UGGT1: variants seen among roughly 807,000 people sequenced by gnomAD.
UGGT1 encodes the protein UDP-glucose:glycoprotein glucosyltransferase 1.
Under a neutral mutation model 203.9 loss-of-function variants are expected in UGGT1, and 107 were observed. That is an observed-to-expected ratio of 0.52 (90% CI 0.45 to 0.62). The LOEUF (loss-of-function observed/expected upper bound fraction) is 0.62. Ranked by LOEUF, UGGT1 falls within the 20% of genes least tolerant of loss-of-function variation. UGGT1 has a pLI of 0.00. For synonymous variants in UGGT1, 628 were observed against 653.5 expected (o/e 0.96, Z 0.59); for missense variants, 1,673 against 1,867.2 (o/e 0.90, Z 1.92).
intron 40 of UGGT1, 39 bp downstream of exon 40, chr2:128,187,653 C>A: frequency 6.5e-7 from 1 of 1,547,992 alleles, no homozygotes; most frequent in Non-Finnish European, 8.8e-7. Context: ...GTACTTCTTT[C>A]CATTTCTGAT....
chr2:128,149,443 G>A (rs1196264606), intron 18 of UGGT1, among the ~76,000 whole-genome samples: 1 of 150,468 alleles, frequency 6.6e-6, no homozygotes, highest in Non-Finnish European at 1.5e-5. Context: ...AGGAGATTGA[G>A]ACCATCCTGG....
chr2:128,095,293 G>A (rs910779134), intron 1 of UGGT1, among the ~76,000 whole-genome samples: 20 of 152,190 alleles, frequency 1.3e-4, no homozygotes, highest in Middle Eastern at 3.4e-3. Context: ...TTTTACAAAC[G>A]TTGATTTTGA....
At chr2:128,156,366 A>G (rs774519916) in intron 20 of UGGT1, 26 bp from the exon 21 acceptor site, 2 of 1,565,648 alleles carry the variant, frequency 1.3e-6, no homozygotes, top group Non-Finnish European at 8.8e-7. Flanking sequence ...CTTTTTTTCT[A>G]CTCTTTTCTC....
At chr2:128,154,263 T>G (rs532294279) in intron 19 of UGGT1, among the ~76,000 whole-genome samples, 1 of 152,316 alleles carries the variant, frequency 6.6e-6, no homozygotes, top group South Asian at 2.1e-4. Context: ...GTTTATTGTT[T>G]TCATCATTTT....
chr2:128,170,448 G>A (rs776252941), intron 27 of UGGT1, 58 bp downstream of exon 27: 137 of 1,462,480 alleles, frequency 9.4e-5, no homozygotes, highest in Non-Finnish European at 1.1e-4. Flanking sequence ...CACATGCTCT[G>A]AAATTCACTG....
intron 16 of UGGT1, 71 bp from the exon 17 acceptor site, chr2:128,143,023 A>G: frequency 1.4e-6 from 2 of 1,429,974 alleles, no homozygotes; most frequent in Non-Finnish European, 1.9e-6. Flanking sequence ...TAAATTCAGA[A>G]AAATGTGGAA....
chr2:128,104,372 A>T (rs541024584), intron 3 of UGGT1, among the ~76,000 whole-genome samples: 1 of 152,328 alleles, frequency 6.6e-6, no homozygotes, highest in South Asian at 2.1e-4. Context: ...TACACAACTG[A>T]GCTATTATCT....
At position 128,194,757 on chromosome 2, in the gene UGGT1, CTGAT is replaced by C. The variant is rs1467934355; in HGVS notation, c.*5019_*5022del. On this transcript the variant is annotated 3_prime_UTR_variant, in exon 41 of 41. Coordinates refer to ENST00000259253, the MANE Select transcript of UGGT1 (RefSeq NM_020120.4). ...TCTTAATCAGTATTTTGGTAATTAA[CTGAT>C]TGAATTCAAGCAAATGAGACATCAT... 1 of 152,048 alleles carries C rather than the reference CTGAT, an allele frequency of 6.6e-6. No individual in the cohort carries two copies. The highest frequency in any genetic ancestry group is 1.5e-5 in the Non-Finnish European group (1 of 68,010). The allele number at this position is 152,048 out of a possible 1,614,324, so 9.4% of individuals were successfully genotyped here.
At chr2:128,156,334 G>A in intron 20 of UGGT1, 58 bp from the exon 21 acceptor site, 2 of 1,296,328 alleles carry the variant, frequency 1.5e-6, no homozygotes, top group East Asian at 2.3e-5. Flanking sequence ...TTTTACAGTA[G>A]GCATTCATTC....
intron 25 of UGGT1, among the ~76,000 whole-genome samples, chr2:128,162,908 A>G (rs1690596964): frequency 6.6e-6 from 1 of 152,190 alleles, no homozygotes; most frequent in Non-Finnish European, 1.5e-5. Flanking sequence ...CAAAAGACTA[A>G]TGCTAAAACT....
intron 17 of UGGT1, 33 bp downstream of exon 17, chr2:128,143,258 G>A (rs1558789546): frequency 6.2e-7 from 1 of 1,609,606 alleles, no homozygotes; most frequent in Non-Finnish European, 8.5e-7. Flanking sequence ...TTATTTGATT[G>A]CAACATTGTA....
chr2:128,173,706 T>A, intron 29 of UGGT1, 75 bp from the exon 30 acceptor site: 1 of 1,521,630 alleles, frequency 6.6e-7, no homozygotes, highest in Non-Finnish European at 9.0e-7. Context: ...CTGCTTCCTT[T>A]ACTTTGCATA....
chr2:128,164,759 C>G lies in UGGT1; in HGVS notation c.2855C>G (p.Ala952Gly), dbSNP rs762902507. 2.5e-6 allele frequency: 4 copies of G among 1,613,666 alleles called. No homozygotes were observed. Among genetic ancestry groups the G allele is most frequent in the Non-Finnish European group, 3.4e-6 (4 of 1,179,792 alleles). Residue 952 changes from alanine (A) to glycine (G), a missense_variant, in exon 26 of 41, where the codon GCT (alanine) becomes GGT (glycine). Ala to Gly is a moderately conservative substitution (Grantham distance 60, BLOSUM62 0). Around this residue, in one of 4 missense-constraint regions of UGGT1, gnomAD observed 1,073 missense variants for 1,078.7 expected, o/e 0.99. Coordinates refer to ENST00000259253, the MANE Select transcript of UGGT1 (RefSeq NM_020120.4). The stretch of plus-strand genomic sequence containing the variant: ...AGCGACTTGGTAATGAAGGTGGATG[C>G]TCTTCTGTCAGCGCAACCAAAAGGA... The part of the protein sequence containing the change: ...VASDLVMKVD[A>G]LLSAQPKGDP...
intron 16 of UGGT1, among the ~76,000 whole-genome samples, chr2:128,142,844 G>A (rs1017834396): frequency 3.3e-5 from 5 of 151,976 alleles, no homozygotes; most frequent in East Asian, 3.9e-4. Context: ...TTAGCTGGGC[G>A]TGGTGGCAGG....
chr2:128,186,475 C>T lies in UGGT1; in HGVS notation c.4360-208C>T, dbSNP rs552960481. Among the ~76,000 whole-genome samples, 11 of 152,008 alleles carry T rather than the reference C, an allele frequency of 7.2e-5. No individual in the cohort carries two copies. In the South Asian group the frequency reaches 1.2e-3, roughly 17 times the overall value. On this transcript the variant is annotated intron_variant, in intron 38 of 40. Coordinates refer to ENST00000259253, the MANE Select transcript of UGGT1 (RefSeq NM_020120.4). ...TACAAAAATTGGCCAGGCATGGTGGCGGGCCCCTGTAGTCCCAGCTACTCA... is the reference window on the plus strand; with the variant it reads ...TACAAAAATTGGCCAGGCATGGTGGTGGGCCCCTGTAGTCCCAGCTACTCA...
intron 19 of UGGT1, among the ~76,000 whole-genome samples, chr2:128,154,053 GTA>G (rs201738508): frequency 4.4e-4 from 52 of 117,658 alleles, no homozygotes; most frequent in Admixed American, 7.8e-4. Flanking sequence ...AAAAATACAT[GTA>G]TATATACACA....
Position 128,131,776 on chromosome 2 carries a change from C to T in UGGT1, c.1378-1365C>T, listed in dbSNP as rs370087477. On this transcript the variant is annotated intron_variant, in intron 13 of 40. Coordinates refer to ENST00000259253, the MANE Select transcript of UGGT1 (RefSeq NM_020120.4). ...CCGAGTAGCTGGGACTACAGGCGCA[C>T]ACCACCATGCCCAGCTAATTTTTGT... is the stretch of plus-strand genomic sequence containing the variant. Among the ~76,000 whole-genome samples, 98 of 152,166 alleles carry T rather than the reference C, an allele frequency of 6.4e-4. 1 individual carries two copies. In the South Asian group the frequency reaches 0.019, roughly 30 times the overall value.
intron 11 of UGGT1, among the ~76,000 whole-genome samples, chr2:128,124,687 C>CA (rs34250306): frequency 1.1e-3 from 166 of 145,596 alleles, no homozygotes; most frequent in Middle Eastern, 6.9e-3. Context: ...TTCTCTTTTT[C>CA]AAAAAAAAAA....
At chr2:128,184,947 G>T (rs1313389734) in intron 38 of UGGT1, among the ~76,000 whole-genome samples, 1 of 152,094 alleles carries the variant, frequency 6.6e-6, no homozygotes, top group Non-Finnish European at 1.5e-5. Context: ...CTCCCAAAGT[G>T]CCGGGATTAC....
Sources: allele counts gnomAD v4.1 joint callset (sites outside exome capture counted in the v4.1 genomes callset), GRCh38; gene constraint gnomAD v4.1.1; regional missense constraint gnomAD v4.1.1; transcripts MANE v1.5; gene names NCBI Gene and HGNC (gene_info 2026-07-23, HGNC 2026-07-21).